The following SLCO4A1 variants were observed in gnomAD, a reference collection of about 807,000 sequenced individuals.
SLCO4A1 encodes solute carrier organic anion transporter family member 4A1, also known as colon organic anion transporter.
SLCO4A1 carries 51 observed loss-of-function variants against 64.6 expected under a neutral mutation model. The observed-to-expected ratio is 0.79, with a 90% CI of 0.63 to 1.00. The LOEUF (loss-of-function observed/expected upper bound fraction) is 1.00, where lower values mean the gene tolerates loss of function less well. Among genes scored for constraint, SLCO4A1 ranks in the 50% least tolerant of loss-of-function variants. The probability of loss-of-function intolerance (pLI) is 0.00; values close to 1 mark genes in which losing one functional copy is unlikely to be tolerated. For missense variants in SLCO4A1, 919 were observed against 980.5 expected, an observed-to-expected ratio of 0.94 and a Z score of 0.84; for synonymous variants, 471 against 444.9, an observed-to-expected ratio of 1.06 and a Z score of -0.74.
At chr20:62,662,446 C>T (rs901814509) in intron 5 of SLCO4A1, among the ~76,000 whole-genome samples, 2 of 152,266 alleles carry the variant, frequency 1.3e-5, no homozygotes, top group Admixed American at 1.3e-4. Flanking sequence ...GACCTAGGAA[C>T]CCTGGGGCTC....
rs1413013780 is a variant in SLCO4A1, at chr20:62,645,404, T to C, written c.-97+2851T>C. 6.6e-6 allele frequency among the ~76,000 whole-genome samples: 1 copy of C among 151,238 alleles called. No individual in the cohort carries two copies. Among genetic ancestry groups the C allele is most frequent in the African/African-American group, 2.4e-5 (1 of 41,204 alleles). On this transcript the variant is annotated intron_variant, in intron 1 of 11. Transcript: ENST00000217159. The surrounding 1 kb of genome is among the most constrained non-coding windows in gnomAD (Gnocchi z 4.2). ...AACAACCTGGTCCTGGGGACCCTGC[T>C]GCCTTCTCTGGCCCCTGCTGGCCCT...
At chr20:62,684,881 C>T (rs1987998371) in intron 2 of SLCO4A1, among the ~76,000 whole-genome samples, 2 of 152,182 alleles carry the variant, frequency 1.3e-5, no homozygotes, top group African/African-American at 4.8e-5. Flanking sequence ...GTTTAGTCTG[C>T]AGCAACGACC....
chr20:62,679,474 A>C (rs1179587261), intron 2 of SLCO4A1, among the ~76,000 whole-genome samples: 1 of 151,186 alleles, frequency 6.6e-6, no homozygotes, highest in African/African-American at 2.4e-5. Context: ...TGATCCTCCC[A>C]CCTCAGCCTC....
At chr20:62,677,927 C>T (rs1385325493) in intron 2 of SLCO4A1, among the ~76,000 whole-genome samples, 2 of 152,236 alleles carry the variant, frequency 1.3e-5, no homozygotes, top group Non-Finnish European at 2.9e-5. Flanking sequence ...CCCCACTTCC[C>T]CTTAGGGGAG....
chr20:62,652,577 C>T (rs1251812990), intron 1 of SLCO4A1, among the ~76,000 whole-genome samples: 3 of 152,188 alleles, frequency 2.0e-5, no homozygotes, highest in Non-Finnish European at 2.9e-5. Context: ...GCCTGTGGCT[C>T]GTGGGTGGCC....
chr20:62,680,839 A>G (rs181131930), intron 2 of SLCO4A1, among the ~76,000 whole-genome samples: 1 of 152,218 alleles, frequency 6.6e-6, no homozygotes, highest in East Asian at 1.9e-4. Flanking sequence ...ATTTTCTTGT[A>G]CTGTCTTTAT....
chr20:62,656,294 T>C, intron 1 of SLCO4A1, 65 bp from the exon 2 acceptor site: 1 of 630,386 alleles, frequency 1.6e-6, no homozygotes. Context: ...GCTGGAATGT[T>C]CCCTCCTGGA....
chr20:62,672,425 T>TC (rs1203690177), downstream of SLCO4A1: 1 of 311,280 alleles, frequency 3.2e-6, no homozygotes, highest in African/African-American at 2.3e-5. Context: ...ATCCACAGGC[T>TC]CCCCCGTAAG....
rs1465440275 is a variant in SLCO4A1 at position 62,652,032 on chromosome 20, C to A, written c.-96-4327C>A. On this transcript the variant is annotated intron_variant, in intron 1 of 11. Coordinates refer to ENST00000217159, the MANE Select transcript of SLCO4A1 (RefSeq NM_016354.4). ...CCCACTCCCCCTGCCCCCGCCTCCC[C>A]CACCCTGCCCCGCCCCACACCCCCC... 3.4e-5 allele frequency: 5 copies of A among 146,028 alleles called. No homozygotes were observed. In the East Asian group the frequency reaches 1.0e-3, roughly 30 times the overall value. The allele number at this position is 146,028 out of a possible 1,614,324, so 9.0% of individuals were successfully genotyped here.
chr20:62,686,670 C>A (rs1600704669), downstream of SLCO4A1, among the ~76,000 whole-genome samples: 1 of 152,360 alleles, frequency 6.6e-6, no homozygotes, highest in East Asian at 1.9e-4. Context: ...GGAGAGTACA[C>A]TAAGTCTTAG....
intron 1 of SLCO4A1, among the ~76,000 whole-genome samples, chr20:62,653,082 G>A (rs1403254352): frequency 6.6e-6 from 1 of 152,250 alleles, no homozygotes; most frequent in African/African-American, 2.4e-5. Flanking sequence ...GGTGCTCAGT[G>A]TGCACAGCGG....
chr20:62,661,717 G>A lies in SLCO4A1; in HGVS notation c.1121+542G>A, dbSNP rs777699256. 1.3e-5 allele frequency among the ~76,000 whole-genome samples: 2 copies of A among 151,486 alleles called. No individual in the cohort carries two copies. The highest frequency in any genetic ancestry group is 2.9e-5 in the Non-Finnish European group (2 of 67,872). On this transcript the variant is annotated intron_variant, in intron 5 of 11. Coordinates refer to ENST00000217159, the MANE Select transcript of SLCO4A1 (RefSeq NM_016354.4). The surrounding 1 kb of genome is among the most constrained non-coding windows in gnomAD (Gnocchi z 5.2). ...AGGACCTCCCCCCTCTACCCGGCGT[G>A]TCCCGCTCACCCTCTGGGGAGGTTG...
chr20:62,681,353 G>A (rs902224810), intron 2 of SLCO4A1, among the ~76,000 whole-genome samples: 5 of 152,180 alleles, frequency 3.3e-5, no homozygotes, highest in Admixed American at 6.5e-5. Flanking sequence ...TTCTGATTCC[G>A]TGGTTCTGCT....
In SLCO4A1 at chr20:62,661,393, G is replaced by T. The variant is rs1325241172; in HGVS notation, c.1121+218G>T. 6.6e-6 allele frequency among the ~76,000 whole-genome samples: 1 copy of T among 152,128 alleles called. No individual in the cohort carries two copies. Among genetic ancestry groups the T allele is most frequent in the Non-Finnish European group, 1.5e-5 (1 of 67,984 alleles). On this transcript the variant is annotated intron_variant, in intron 5 of 11. Coordinates refer to ENST00000217159, the MANE Select transcript of SLCO4A1 (RefSeq NM_016354.4). The surrounding 1 kb of genome is among the most constrained non-coding windows in gnomAD (Gnocchi z 5.2). ...GCTGCAGAGCCGTGGGAGAGTCCCA[G>T]AGTGGGGCCGGGGCCTCGGCCCGCA... is the stretch of plus-strand genomic sequence containing the variant.
At chr20:62,668,332 G>A in intron 9 of SLCO4A1, 145 bp from the exon 10 acceptor site, 1 of 1,256,706 alleles carries the variant, frequency 8.0e-7, no homozygotes. Context: ...AGACCTCACT[G>A]TCTCTGATCT....
intron 3 of SLCO4A1, among the ~76,000 whole-genome samples, chr20:62,660,184 G>T (rs377333576): frequency 6.6e-6 from 1 of 152,234 alleles, no homozygotes; most frequent in Non-Finnish European, 1.5e-5. Flanking sequence ...GTGGGCCAAG[G>T]CATGGAGCCA....
chr20:62,687,934 G>A (rs1242705108), downstream of SLCO4A1, among the ~76,000 whole-genome samples: 4 of 151,984 alleles, frequency 2.6e-5, no homozygotes, highest in African/African-American at 9.7e-5. Flanking sequence ...TGTCCTACCA[G>A]GCACTAGTGC....
chr20:62,657,045 T>G lies in SLCO4A1; in HGVS notation c.591T>G (p.Tyr197Ter). ...FALPHFTAGR[Y>*]EVELDAGVRT... Reference sequence around the variant, plus strand: ...TGCCCCACTTCACGGCTGGCCGCTATGAGGTGGAGTTGGACGCGGGTGTCA... The same window carrying G: ...TGCCCCACTTCACGGCTGGCCGCTAGGAGGTGGAGTTGGACGCGGGTGTCA... The change falls in exon 2 of 12, where the codon TAT becomes TAG. Residue 197 changes from tyrosine to a stop codon, truncating the protein, a stop_gained. Coordinates refer to ENST00000217159, the MANE Select transcript of SLCO4A1 (RefSeq NM_016354.4). LOFTEE classifies it high-confidence loss of function. 1 of 1,594,760 alleles carries G rather than the reference T, an allele frequency of 6.3e-7. No individual in the cohort carries two copies.
In SLCO4A1 at chr20:62,656,538, A is replaced by G. The variant is rs1366513810; in HGVS notation, c.84A>G (p.Pro28=). The change falls in exon 2 of 12, where the codon CCA becomes CCG. Residue 28 remains proline (P), a synonymous_variant. Transcript: ENST00000217159. The part of the protein sequence containing the change: ...SAMENGLDHT[P]PSRRASPGTP... ...TGGAAAACGGGCTTGACCACACCCC[A>G]CCCAGCAGGAGGGCATCCCCGGGCA... 6.3e-7 allele frequency: 1 copy of G among 1,577,804 alleles called. No individual in the cohort carries two copies. Among genetic ancestry groups the G allele is most frequent in the East Asian group, 2.3e-5 (1 of 43,108 alleles).
Sources: gnomAD v4.1 joint callset for allele counts (sites outside exome capture counted in the v4.1 genomes callset) on GRCh38, gnomAD v4.1.1 for gene constraint, Gnocchi (gnomAD v3.1) non-coding constraint, MANE v1.5 for transcripts, NCBI Gene and HGNC (gene_info 2026-07-23, HGNC 2026-07-21) for gene names.